Variants in CCDC12 observed in about 807,000 individuals in gnomAD.
CCDC12 encodes coiled-coil domain-containing protein 12.
Under a neutral mutation model 25.7 loss-of-function variants are expected in CCDC12, and 28 were observed. The observed-to-expected ratio is 1.09, with a 90% confidence interval of 0.81 to 1.50. The LOEUF is 1.50. Among genes scored for constraint, CCDC12 ranks in the 40% most tolerant of loss-of-function variants. CCDC12 has a pLI of 0.00. For missense variants in CCDC12, 198 were observed against 210.0 expected (o/e 0.94, Z 0.35); for synonymous variants, 75 against 87.7 (o/e 0.86, Z 0.81).
chr3:46,930,072 C>T (rs2107114184), intron 2 of CCDC12, among the ~76,000 whole-genome samples: 2 of 151,528 alleles, frequency 1.3e-5, no homozygotes, highest in South Asian at 4.2e-4. Context: ...TGGGGGTCTC[C>T]CTATGTTGCT....
At chr3:46,977,038 G>C (rs74939037), upstream of CCDC12, 1,116 of 443,992 alleles carry the variant, frequency 2.5e-3, 12 homozygotes, top group African/African-American at 0.021. Flanking sequence ...GTGGAATTCA[G>C]ACCTGAGAGA....
At chr3:46,976,578 G>A in intron 1 of CCDC12, 59 bp downstream of exon 1, 9 of 1,565,938 alleles carry the variant, frequency 5.7e-6, no homozygotes, top group Non-Finnish European at 7.8e-6. Context: ...CTCCTCAAGC[G>A]CGACCCGGAC....
At chr3:46,957,772 T>A (rs139452419) in intron 1 of CCDC12, among the ~76,000 whole-genome samples, 1 of 151,604 alleles carries the variant, frequency 6.6e-6, no homozygotes, top group Non-Finnish European at 1.5e-5. Context: ...TGAAACACTG[T>A]CTCTACTAAA....
At chr3:46,936,529 A>C (rs2107127016) in intron 2 of CCDC12, among the ~76,000 whole-genome samples, 1 of 152,242 alleles carries the variant, frequency 6.6e-6, no homozygotes, top group African/African-American at 2.4e-5. Context: ...TTGGTTGAAG[A>C]TTCTGCGGCT....
upstream of CCDC12, among the ~76,000 whole-genome samples, chr3:46,980,523 G>T (rs1413293108): frequency 6.6e-6 from 1 of 152,104 alleles, no homozygotes; most frequent in East Asian, 1.9e-4. Flanking sequence ...CATTCTGAGG[G>T]GTAGACCCAG....
chr3:46,977,245 A>C (rs1338782624), upstream of CCDC12, among the ~76,000 whole-genome samples: 10 of 152,148 alleles, frequency 6.6e-5, no homozygotes, highest in Admixed American at 6.5e-4. Context: ...GAGGCCGAGG[A>C]GGGCGGACCA....
At chr3:46,938,591 T>C (rs563136830) in intron 2 of CCDC12, among the ~76,000 whole-genome samples, 1 of 130,986 alleles carries the variant, frequency 7.6e-6, no homozygotes, top group Non-Finnish European at 1.6e-5. Flanking sequence ...GGCTCACACC[T>C]GTAATTCCAA....
intron 1 of CCDC12, among the ~76,000 whole-genome samples, chr3:46,949,738 C>A (rs907624698): frequency 1.3e-5 from 2 of 152,228 alleles, no homozygotes; most frequent in Non-Finnish European, 2.9e-5. Flanking sequence ...CCATGAAAAA[C>A]TGCCTGCTGG....
chr3:46,925,726 T>C (rs145454322), intron 2 of CCDC12, among the ~76,000 whole-genome samples, 191 bp from the exon 3 acceptor site: 14 of 152,310 alleles, frequency 9.2e-5, no homozygotes, highest in African/African-American at 3.1e-4. Context: ...CCCTGCCACT[T>C]AGCGGGACTG....
At chr3:46,961,007 G>A (rs1337160923) in intron 1 of CCDC12, among the ~76,000 whole-genome samples, 4 of 151,886 alleles carry the variant, frequency 2.6e-5, no homozygotes, top group African/African-American at 9.7e-5. Context: ...GGGAATGGGA[G>A]GGTGTGGGGA....
At chr3:46,926,170 A>G (rs1464363928) in intron 2 of CCDC12, among the ~76,000 whole-genome samples, 1 of 152,242 alleles carries the variant, frequency 6.6e-6, no homozygotes, top group Non-Finnish European at 1.5e-5. Flanking sequence ...GGAGGGCTCC[A>G]GAGGGGCGTG....
At chr3:46,974,578 T>C (rs2034909167) in intron 1 of CCDC12, among the ~76,000 whole-genome samples, 1 of 146,048 alleles carries the variant, frequency 6.8e-6, no homozygotes, top group African/African-American at 2.5e-5. Flanking sequence ...GGCTGTCTGA[T>C]ATGTTCCACA....
intron 1 of CCDC12, among the ~76,000 whole-genome samples, chr3:46,957,996 C>CACACACACACACACAT (rs113627328): frequency 0.017 from 2,410 of 142,510 alleles, 89 homozygotes; most frequent in East Asian, 0.1. Flanking sequence ...CACACACACA[C>CACACACACACACACAT]ATATATATGT....
Position 46,951,798 on chromosome 3 carries a change from A to AAAAAAAAAATATCCCATATATAT in CCDC12, c.97-10734_97-10733insATATATATGGGATATTTTTTTTT. Among the ~76,000 whole-genome samples the AAAAAAAAAATATCCCATATATAT allele has an allele frequency of 2.2e-3, 19 of 8,466 alleles. 1 individual carries two copies. The highest frequency in any genetic ancestry group is 4.4e-3 in the African/African-American group (18 of 4,068). 5.6% of individuals were successfully genotyped at this position (8,466 alleles called of 152,430 possible). ...CCGTCTCAAAAAAAAAAAAAAAAAA[A>AAAAAAAAAATATCCCATATATAT]ATATATATATATATATATATATATA... On this transcript the variant is annotated intron_variant, in intron 1 of 6. Transcript: ENST00000683445.
intron 2 of CCDC12, among the ~76,000 whole-genome samples, chr3:46,938,842 A>C (rs895780991): frequency 1.5e-4 from 22 of 149,526 alleles, no homozygotes; most frequent in African/African-American, 4.9e-4. Flanking sequence ...ACAGAGCGAG[A>C]CCCCATCTCA....
At chr3:46,952,858 T>A (rs567775643) in intron 1 of CCDC12, among the ~76,000 whole-genome samples, 4 of 152,344 alleles carry the variant, frequency 2.6e-5, no homozygotes, top group African/African-American at 9.6e-5. Flanking sequence ...GACAATTAAG[T>A]AACCCATCCA....
At chr3:46,942,952 T>G (rs1189459026) in intron 1 of CCDC12, among the ~76,000 whole-genome samples, 1 of 151,486 alleles carries the variant, frequency 6.6e-6, no homozygotes, top group Admixed American at 6.6e-5. Context: ...AGCATGCAGG[T>G]GACTGGGGTT....
intron 1 of CCDC12, among the ~76,000 whole-genome samples, chr3:46,957,996 C>CACACACACACACACACATAT (rs113627328): frequency 2.1e-5 from 3 of 142,582 alleles, no homozygotes; most frequent in South Asian, 2.4e-4. Flanking sequence ...CACACACACA[C>CACACACACACACACACATAT]ATATATATGT....
intron 2 of CCDC12, among the ~76,000 whole-genome samples, chr3:46,940,340 C>A (rs1480768087): frequency 2.6e-5 from 4 of 152,168 alleles, no homozygotes; most frequent in Non-Finnish European, 5.9e-5. Context: ...AAGACCCTCA[C>A]GTGTGCTGTG....
Sources: gnomAD v4.1 joint callset for allele counts (sites outside exome capture counted in the v4.1 genomes callset) on GRCh38, gnomAD v4.1.1 for gene constraint, MANE v1.5 for transcripts, NCBI Gene and HGNC (gene_info 2026-07-23, HGNC 2026-07-21) for gene names.